The following PCNX2 variants were observed in gnomAD, a reference collection of about 807,000 sequenced individuals.
The protein encoded by PCNX2 is pecanex 2.
PCNX2 carries 168 observed loss-of-function variants against 223.8 expected under a neutral mutation model. The ratio of observed to expected loss-of-function variants is 0.75; its 90% CI spans 0.66 to 0.85. The LOEUF (loss-of-function observed/expected upper bound fraction) is 0.85. Ranked by LOEUF, PCNX2 falls within the 40% of genes least tolerant of loss-of-function variation. The pLI is 0.00. For missense variants in PCNX2, 2,507 were observed against 2,675.5 expected, an observed-to-expected ratio of 0.94 and a Z score of 1.39; for synonymous variants, 1,006 against 1,052.6, an observed-to-expected ratio of 0.96 and a Z score of 0.86.
chr1:233,206,431 ACT>A (rs1283557066), intron 13 of PCNX2, among the ~76,000 whole-genome samples: 1 of 148,506 alleles, frequency 6.7e-6, no homozygotes, highest in African/African-American at 2.4e-5. Flanking sequence ...GTCTACTCAA[ACT>A]CTGATTTTTT....
At chr1:233,084,420 G>T (rs1405908497) in intron 23 of PCNX2, among the ~76,000 whole-genome samples, 1 of 152,182 alleles carries the variant, frequency 6.6e-6, no homozygotes, top group Non-Finnish European at 1.5e-5. Flanking sequence ...ATACACATTT[G>T]CCATAAAGGA....
At chr1:233,232,305 C>T (rs531167286) in intron 9 of PCNX2, among the ~76,000 whole-genome samples, 25 of 152,206 alleles carry the variant, frequency 1.6e-4, no homozygotes, top group Middle Eastern at 3.4e-3. Flanking sequence ...TACTTTATTA[C>T]AAAATAGGCT....
intron 10 of PCNX2, 24 bp from the exon 11 acceptor site, chr1:233,218,208 GCAAAAAA>G: frequency 4.0e-5 from 6 of 150,460 alleles, no homozygotes; most frequent in South Asian, 2.4e-4. Context: ...ATACATAAAA[GCAAAAAA>G]AAAAAAAAAA....
intron 1 of PCNX2, among the ~76,000 whole-genome samples, chr1:233,284,533 T>C (rs1558424964): frequency 6.6e-6 from 1 of 152,180 alleles, no homozygotes; most frequent in South Asian, 2.1e-4. Context: ...ATCTTTACTG[T>C]ACAGCACCTG....
intron 1 of PCNX2, among the ~76,000 whole-genome samples, chr1:233,285,342 C>T (rs1222982212): frequency 6.6e-6 from 1 of 151,828 alleles, no homozygotes; most frequent in Non-Finnish European, 1.5e-5. Context: ...ACAATGAACC[C>T]TATCTCTAAA....
At chr1:233,303,406 C>T in the PCNX2 span, among the ~76,000 whole-genome samples, 1 of 151,932 alleles carries the variant, frequency 6.6e-6, no homozygotes, top group Non-Finnish European at 1.5e-5. Context: ...TCCCAGCTGC[C>T]TGGTGGGCTG....
intron 15 of PCNX2, among the ~76,000 whole-genome samples, chr1:233,190,747 G>A (rs889533422): frequency 3.3e-5 from 5 of 152,110 alleles, no homozygotes; most frequent in African/African-American, 1.2e-4. Context: ...AGTTAACGGC[G>A]TGCTTTCAAA....
At chr1:233,200,377 G>A (rs1034958260) in intron 13 of PCNX2, 113 bp from the exon 14 acceptor site, 1 of 492,702 alleles carries the variant, frequency 2.0e-6, no homozygotes, top group African/African-American at 2.2e-5. Flanking sequence ...GAATACTGGA[G>A]GCAATCTTTT....
chr1:233,114,494 G>A lies in PCNX2; in HGVS notation c.3838-18631C>T, dbSNP rs570480483. The stretch of plus-strand genomic sequence containing the variant: ...CTGTATGAAGTGGTGAGTCATTACA[G>A]GGTTTTGGGCAGAGAAGGTACAAAA... On this transcript the variant is annotated intron_variant, in intron 21 of 33. Coordinates refer to ENST00000258229, the MANE Select transcript of PCNX2 (RefSeq NM_014801.4). 6.6e-5 allele frequency among the ~76,000 whole-genome samples: 10 copies of A among 152,330 alleles called. No homozygotes were observed. In the South Asian group the frequency reaches 8.3e-4, roughly 13 times the overall value.
chr1:233,236,508 C>T (rs1477466907), intron 9 of PCNX2, among the ~76,000 whole-genome samples: 2 of 151,568 alleles, frequency 1.3e-5, no homozygotes, highest in Non-Finnish European at 2.9e-5. Flanking sequence ...AGATACTTTC[C>T]AAACCATGGG....
chr1:233,291,625 AAAAG>A, intron 1 of PCNX2: 1 of 933,658 alleles, frequency 1.1e-6, no homozygotes, highest in Non-Finnish European at 1.3e-6. Flanking sequence ...AAAAAAAAAA[AAAAG>A]AGGAAGAATG....
At chr1:233,025,807 G>A (rs573157180) in intron 25 of PCNX2, among the ~76,000 whole-genome samples, 1 of 152,272 alleles carries the variant, frequency 6.6e-6, no homozygotes, top group East Asian at 1.9e-4. Flanking sequence ...ACAGGCTATT[G>A]TAAGGATGAA....
intron 26 of PCNX2, among the ~76,000 whole-genome samples, chr1:233,024,579 C>T (rs1325348821): frequency 6.6e-6 from 1 of 152,202 alleles, no homozygotes; most frequent in East Asian, 1.9e-4. Flanking sequence ...AGGAGACTTA[C>T]TCCAAACTGC....
At chr1:232,998,194 G>A in intron 32 of PCNX2, 57 bp downstream of exon 32, 6 of 1,435,192 alleles carry the variant, frequency 4.2e-6, no homozygotes, top group African/African-American at 1.5e-5. Flanking sequence ...TCAGGGCATT[G>A]GTCACTGGGA....
Position 233,227,319 on chromosome 1 carries a change from A to C in PCNX2, c.2411T>G (p.Phe804Cys). The C allele has an allele frequency of 6.2e-7, 1 of 1,613,634 alleles. No individual in the cohort carries two copies. The highest frequency in any genetic ancestry group is 1.3e-5 in the African/African-American group (1 of 74,970). The change falls in exon 10 of 34, where the codon TTT becomes TGT. Residue 804 changes from phenylalanine to cysteine, a missense_variant. Coordinates refer to ENST00000258229, the MANE Select transcript of PCNX2 (RefSeq NM_014801.4). ...AAATTTGTAAAACTGCTCTCGGTTA[A>C]ATTTTCCTTGTGTTGAAGAACATGA... ...ASSCSSTQGK[F>C]NREQFYKFII...
At position 233,243,701 on chromosome 1, in the gene PCNX2, T is replaced by A. The variant is rs923567716; in HGVS notation, c.2223-6721A>T. Among the ~76,000 whole-genome samples, 4 of 152,334 alleles carry A rather than the reference T, an allele frequency of 2.6e-5. No homozygotes were observed. The East Asian group carries it at 5.8e-4, about 22-fold the overall frequency. ...ACAAAAGTCAACATCTTTTGGTATATCAAGTCACAGTGCAGTTTACCTGAA... is the reference window on the plus strand; with the variant it reads ...ACAAAAGTCAACATCTTTTGGTATAACAAGTCACAGTGCAGTTTACCTGAA... On this transcript the variant is annotated intron_variant, in intron 8 of 33. Coordinates refer to ENST00000258229, the MANE Select transcript of PCNX2 (RefSeq NM_014801.4).
At position 233,041,877 on chromosome 1, in the gene PCNX2, G is replaced by A. The variant is rs114443709; in HGVS notation, c.4351+12391C>T. On this transcript the variant is annotated intron_variant, in intron 25 of 33. Coordinates refer to ENST00000258229, the MANE Select transcript of PCNX2 (RefSeq NM_014801.4). ...TGGTGATTCCAAACAACCACAGATTGCCCACATAGGTGGCCGAGATAGTGA... is the reference window on the plus strand; with the variant it reads ...TGGTGATTCCAAACAACCACAGATTACCCACATAGGTGGCCGAGATAGTGA... 3.4e-3 allele frequency among the ~76,000 whole-genome samples: 523 copies of A among 152,286 alleles called. 6 individuals are homozygous for A. Among genetic ancestry groups the A allele is most frequent in the African/African-American group, 0.012 (498 of 41,560 alleles).
chr1:233,134,776 A>C (rs981052689), intron 21 of PCNX2: 2 of 551,022 alleles, frequency 3.6e-6, no homozygotes, highest in African/African-American at 3.8e-5. Context: ...TAAAATTTCA[A>C]GTCACACTAA....
chr1:233,078,102 C>T lies in PCNX2; in HGVS notation c.4076+11959G>A, dbSNP rs1455327317. Among the ~76,000 whole-genome samples the T allele has an allele frequency of 4.6e-5, 7 of 152,302 alleles. No individual in the cohort carries two copies. The South Asian group carries it at 1.0e-3, about 23-fold the overall frequency. The stretch of plus-strand genomic sequence containing the variant: ...GATTAGAGTCAGTCTTAGAAACATG[C>T]TCAGAGTCACAAGATTAAACAAGCA... On this transcript the variant is annotated intron_variant, in intron 23 of 33. Coordinates refer to ENST00000258229, the MANE Select transcript of PCNX2 (RefSeq NM_014801.4).
Sources: gnomAD v4.1 joint callset for allele counts (sites outside exome capture counted in the v4.1 genomes callset) on GRCh38, gnomAD v4.1.1 for gene constraint, MANE v1.5 for transcripts, NCBI Gene and HGNC (gene_info 2026-07-23, HGNC 2026-07-21) for gene names.